TMTC2: variants seen among roughly 807,000 people sequenced by gnomAD.
TMTC2 encodes the protein protein O-mannosyl-transferase TMTC2.
TMTC2 carries 43 observed loss-of-function variants against 82.4 expected under a neutral mutation model. The ratio of observed to expected loss-of-function variants is 0.52; its 90% CI spans 0.41 to 0.67. The LOEUF is 0.67. Among genes scored for constraint, TMTC2 ranks in the 30% least tolerant of loss-of-function variants. The pLI, the probability that TMTC2 is intolerant of heterozygous loss-of-function variation, is 0.00. For synonymous variants in TMTC2, 408 were observed against 381.9 expected, an observed-to-expected ratio of 1.07 and a Z score of -0.80; for missense variants, 919 against 1,012.4, an observed-to-expected ratio of 0.91 and a Z score of 1.25.
intron 8 of TMTC2, among the ~76,000 whole-genome samples, chr12:83,029,228 A>C (rs1881317536): frequency 6.6e-6 from 1 of 152,216 alleles, no homozygotes; most frequent in Admixed American, 6.6e-5. Flanking sequence ...TCCAACCCAC[A>C]GCCTGCAGAC....
At chr12:82,817,367 C>G (rs535185538) in intron 1 of TMTC2, among the ~76,000 whole-genome samples, 3 of 152,010 alleles carry the variant, frequency 2.0e-5, no homozygotes, top group Non-Finnish European at 4.4e-5. Flanking sequence ...TTTCCTAAAG[C>G]CATTTTGTGT....
chr12:82,957,386 G>A (rs1366935829), intron 4 of TMTC2, among the ~76,000 whole-genome samples: 1 of 152,146 alleles, frequency 6.6e-6, no homozygotes, highest in Non-Finnish European at 1.5e-5. Context: ...CAAAAGCCGT[G>A]TTAAGAGAAA....
At chr12:82,862,323 T>C (rs1871595611) in intron 2 of TMTC2, among the ~76,000 whole-genome samples, 2 of 152,202 alleles carry the variant, frequency 1.3e-5, no homozygotes, top group African/African-American at 4.8e-5. Context: ...CTAGTGGCCA[T>C]TTTCTGTGCT....
chr12:83,086,401 G>A (rs149093490), intron 11 of TMTC2, among the ~76,000 whole-genome samples: 19 of 152,278 alleles, frequency 1.2e-4, no homozygotes, highest in Admixed American at 3.9e-4. Flanking sequence ...TGATTCTAAT[G>A]TGCAGTTAAG....
chr12:82,839,538 G>A (rs1171208130), intron 1 of TMTC2, among the ~76,000 whole-genome samples: 1 of 152,124 alleles, frequency 6.6e-6, no homozygotes, highest in Non-Finnish European at 1.5e-5. Context: ...TATTAACAAA[G>A]ATACAAGAGG....
chr12:82,778,712 A>G (rs1019715630), intron 1 of TMTC2, among the ~76,000 whole-genome samples: 6 of 150,966 alleles, frequency 4.0e-5, no homozygotes, highest in African/African-American at 1.2e-4. Context: ...AGCCGGGCGT[A>G]GTGGCGGGCG....
At chr12:82,995,152 G>A (rs1357205206) in intron 8 of TMTC2, among the ~76,000 whole-genome samples, 1 of 152,068 alleles carries the variant, frequency 6.6e-6, no homozygotes, top group Non-Finnish European at 1.5e-5. Flanking sequence ...AATATATCAA[G>A]TAGAACATTT....
At chr12:83,119,838 T>C (rs1307554875) in intron 11 of TMTC2, among the ~76,000 whole-genome samples, 1 of 152,168 alleles carries the variant, frequency 6.6e-6, no homozygotes, top group Non-Finnish European at 1.5e-5. Flanking sequence ...AGTGCATATA[T>C]GTTTAGGATT....
chr12:82,809,416 T>C (rs1159593033), intron 1 of TMTC2, among the ~76,000 whole-genome samples: 1 of 152,076 alleles, frequency 6.6e-6, no homozygotes, highest in Non-Finnish European at 1.5e-5. Flanking sequence ...AATGCTTAAG[T>C]CCTCTGGGTA....
intron 1 of TMTC2, among the ~76,000 whole-genome samples, chr12:82,855,752 T>C (rs1871233996): frequency 6.6e-6 from 1 of 152,260 alleles, no homozygotes; most frequent in Non-Finnish European, 1.5e-5. Flanking sequence ...GTCAGTACTT[T>C]TGAGTCTTTA....
At chr12:83,013,350 A>G (rs756525477) in intron 8 of TMTC2, among the ~76,000 whole-genome samples, 31 of 152,178 alleles carry the variant, frequency 2.0e-4, no homozygotes, top group Non-Finnish European at 8.8e-5. Flanking sequence ...TAGAGATGAT[A>G]TGATTTATTT....
chr12:82,958,374 A>AC, intron 4 of TMTC2, among the ~76,000 whole-genome samples: 1 of 84,554 alleles, frequency 1.2e-5, no homozygotes, highest in East Asian at 2.7e-4. Context: ...AAAAAAACAA[A>AC]AAAAACAAAA....
chr12:82,776,844 GGGA>G (rs2137002958), intron 1 of TMTC2, among the ~76,000 whole-genome samples: 1 of 152,202 alleles, frequency 6.6e-6, no homozygotes, highest in South Asian at 2.1e-4. Context: ...AGAATAAACT[GGGA>G]GGATTGCTTA....
chr12:82,994,261 C>G (rs1879521063), intron 8 of TMTC2, among the ~76,000 whole-genome samples: 1 of 152,140 alleles, frequency 6.6e-6, no homozygotes, highest in Admixed American at 6.5e-5. Flanking sequence ...TCAAGCAATT[C>G]TCGTGCCTCA....
In TMTC2 at chr12:82,856,994, A is replaced by G; in HGVS notation, c.84-16A>G. 1 of 1,581,360 alleles carries G rather than the reference A, an allele frequency of 6.3e-7. No individual in the cohort carries two copies. The highest frequency in any genetic ancestry group is 8.6e-7 in the Non-Finnish European group (1 of 1,166,086). ...TGTGTTTTACATTTGATTTTTTTTA[A>G]CGTTTTGTTTTTTAGCCGTGCTATC... On this transcript the variant is annotated splice_polypyrimidine_tract_variant and intron_variant, in intron 1 of 11. Transcript: ENST00000321196.
intron 7 of TMTC2, among the ~76,000 whole-genome samples, chr12:82,980,534 G>A (rs1227833463): frequency 6.6e-6 from 1 of 151,754 alleles, no homozygotes; most frequent in Non-Finnish European, 1.5e-5. Flanking sequence ...GATGCTTTCA[G>A]TGTATTAGGG....
intron 1 of TMTC2, among the ~76,000 whole-genome samples, chr12:82,854,654 G>C (rs936998387): frequency 6.6e-6 from 1 of 152,190 alleles, no homozygotes; most frequent in Non-Finnish European, 1.5e-5. Context: ...ATGGAAAAGA[G>C]AGAGAATAGA....
intron 1 of TMTC2, among the ~76,000 whole-genome samples, chr12:82,841,011 C>T (rs543491493): frequency 9.2e-5 from 14 of 152,192 alleles, no homozygotes; most frequent in Non-Finnish European, 1.6e-4. Context: ...AACACCTGAC[C>T]TCAGGTGATC....
At chr12:82,801,868 A>G (rs987552989) in intron 1 of TMTC2, among the ~76,000 whole-genome samples, 1 of 152,150 alleles carries the variant, frequency 6.6e-6, no homozygotes, top group African/African-American at 2.4e-5. Flanking sequence ...GTGTGTTTAC[A>G]AACCTTGAGC....
Sources: gnomAD v4.1 joint callset for allele counts (sites outside exome capture counted in the v4.1 genomes callset) on GRCh38, gnomAD v4.1.1 for gene constraint, MANE v1.5 for transcripts, NCBI Gene and HGNC (gene_info 2026-07-23, HGNC 2026-07-21) for gene names.